The following DYNC2H1 variants were observed in gnomAD, a reference collection of about 807,000 sequenced individuals.
DYNC2H1 encodes dynein cytoplasmic 2 heavy chain 1.
Under a neutral mutation model 570.0 loss-of-function variants are expected in DYNC2H1, and 410 were observed. That is an observed-to-expected ratio of 0.72 (90% confidence interval 0.66 to 0.78). The LOEUF is 0.78. DYNC2H1 is among the 30% of genes least tolerant of loss of function. DYNC2H1 has a pLI of 0.00. For missense variants in DYNC2H1, 4,865 were observed against 5,046.4 expected, an observed-to-expected ratio of 0.96 and a Z score of 1.09; for synonymous variants, 1,688 against 1,677.6, an observed-to-expected ratio of 1.01 and a Z score of -0.15.
At chr11:103,183,251 A>C (rs1446183677) in intron 40 of DYNC2H1, among the ~76,000 whole-genome samples, 3 of 151,920 alleles carry the variant, frequency 2.0e-5, no homozygotes, top group African/African-American at 7.2e-5. Flanking sequence ...CATTAGTACA[A>C]AACATTCAGA....
chr11:103,431,229 A>C (rs1943879979), intron 84 of DYNC2H1, among the ~76,000 whole-genome samples: 1 of 151,730 alleles, frequency 6.6e-6, no homozygotes, highest in East Asian at 1.9e-4. Flanking sequence ...AAAAAAAAAA[A>C]AAAACTAAAA....
intron 62 of DYNC2H1, among the ~76,000 whole-genome samples, chr11:103,236,118 A>G (rs1864208500): frequency 6.6e-6 from 1 of 151,952 alleles, no homozygotes; most frequent in Non-Finnish European, 1.5e-5. Flanking sequence ...TTATTTTTAT[A>G]ATAATTTTAT....
intron 17 of DYNC2H1, 62 bp downstream of exon 17, chr11:103,136,010 C>A: frequency 7.5e-7 from 1 of 1,336,782 alleles, no homozygotes; most frequent in Non-Finnish European, 1.0e-6. Context: ...ATTGAATTTA[C>A]ATTAAATGTA....
At position 103,277,495 on chromosome 11, in the gene DYNC2H1, T is replaced by TTAA; in HGVS notation, c.10696-2853_10696-2852insTAA. On this transcript the variant is annotated intron_variant, in intron 70 of 88. Coordinates refer to ENST00000375735, the MANE Select transcript of DYNC2H1 (RefSeq NM_001377.3). This position sits in a 1 kb window ranked among gnomAD's most constrained non-coding sequence, Gnocchi z 4.3. ...ACATTCTTGAGTATTTAATGATACT[T>TTAA]GTATTAGAGTCTCTTTCAGATTGTT... Among the ~76,000 whole-genome samples the TTAA allele has an allele frequency of 6.6e-6, 1 of 152,304 alleles. No individual in the cohort carries two copies. Among genetic ancestry groups the TTAA allele is most frequent in the South Asian group, 2.1e-4 (1 of 4,828 alleles).
rs548499823 is a variant in DYNC2H1, at chr11:103,247,905, AG to A, written c.10042+2534del. On this transcript the variant is annotated intron_variant, in intron 65 of 88. Transcript: ENST00000375735. ...GATATCTGTAATTTGGTGTACCTGAAGGGTATAGGGACCGAAGACAAGGATT... is the reference window on the plus strand; with the variant it reads ...GATATCTGTAATTTGGTGTACCTGAAGGTATAGGGACCGAAGACAAGGATT... Among the ~76,000 whole-genome samples the A allele has an allele frequency of 3.9e-4, 60 of 152,104 alleles. 1 individual carries two copies. Among genetic ancestry groups the A allele is most frequent in the African/African-American group, 1.4e-3 (60 of 41,538 alleles).
At chr11:103,412,956 T>G (rs1001111199) in intron 84 of DYNC2H1, among the ~76,000 whole-genome samples, 5 of 152,154 alleles carry the variant, frequency 3.3e-5, no homozygotes, top group Non-Finnish European at 7.4e-5. Flanking sequence ...CAGACCAATA[T>G]CATTAGCATC....
chr11:103,442,989 T>G (rs1944317162), intron 85 of DYNC2H1, among the ~76,000 whole-genome samples: 1 of 151,126 alleles, frequency 6.6e-6, no homozygotes, highest in Admixed American at 6.6e-5. Context: ...TTTTGCCATT[T>G]AAAGGCTTCT....
intron 82 of DYNC2H1, among the ~76,000 whole-genome samples, chr11:103,337,617 A>G (rs892011884): frequency 4.6e-5 from 7 of 151,940 alleles, no homozygotes; most frequent in African/African-American, 1.7e-4. Context: ...TTTGATTTCT[A>G]TTTCTCTGAT....
chr11:103,351,421 T>C (rs1197398247), intron 82 of DYNC2H1, among the ~76,000 whole-genome samples: 1 of 152,176 alleles, frequency 6.6e-6, no homozygotes, highest in African/African-American at 2.4e-5. Flanking sequence ...TCTCTTGATA[T>C]GGGAGGAGAA....
At chr11:103,365,187 C>A (rs1226225603) in intron 83 of DYNC2H1, among the ~76,000 whole-genome samples, 3 of 151,910 alleles carry the variant, frequency 2.0e-5, no homozygotes, top group African/African-American at 7.3e-5. Flanking sequence ...CATGGAGAAA[C>A]CCTGTCTCTA....
chr11:103,246,609 T>C (rs1864627808), intron 65 of DYNC2H1, among the ~76,000 whole-genome samples: 1 of 152,056 alleles, frequency 6.6e-6, no homozygotes, highest in Admixed American at 6.6e-5. Context: ...ATTGCCCCTA[T>C]CTTACTTTTT....
At chr11:103,276,886 A>G (rs1865929074) in intron 70 of DYNC2H1, among the ~76,000 whole-genome samples, 1 of 152,106 alleles carries the variant, frequency 6.6e-6, no homozygotes, top group Non-Finnish European at 1.5e-5. Flanking sequence ...ATATAAGGAC[A>G]TGTAGAGTGT....
At chr11:103,278,866 C>T (rs1336544747) in intron 70 of DYNC2H1, among the ~76,000 whole-genome samples, 1 of 152,154 alleles carries the variant, frequency 6.6e-6, no homozygotes, top group African/African-American at 2.4e-5. Flanking sequence ...CATGCCTGGC[C>T]CTGTGTGGGT....
In DYNC2H1 at chr11:103,209,455, TTTTA is replaced by T. The variant is rs1160270590; in HGVS notation, c.8455-416_8455-413del. On this transcript the variant is annotated intron_variant, in intron 52 of 88. Transcript: ENST00000375735. The surrounding 1 kb of genome is among the most constrained non-coding windows in gnomAD (Gnocchi z 4.2). The stretch of plus-strand genomic sequence containing the variant: ...ATGAAATTATTGATTATAAAATTAT[TTTTA>T]TTTAATTTTAGTTTTTTTTTGAAAA... 6.6e-6 allele frequency among the ~76,000 whole-genome samples: 1 copy of T among 151,988 alleles called. No individual in the cohort carries two copies. The highest frequency in any genetic ancestry group is 2.4e-5 in the African/African-American group (1 of 41,460).
At chr11:103,198,115 A>T in intron 48 of DYNC2H1, 52 bp downstream of exon 48, 1 of 1,507,580 alleles carries the variant, frequency 6.6e-7, no homozygotes, top group Non-Finnish European at 9.0e-7. Flanking sequence ...ATAGTCTTTT[A>T]AAAATATTTA....
intron 72 of DYNC2H1, 80 bp downstream of exon 72, chr11:103,282,309 A>C: frequency 7.9e-7 from 1 of 1,262,070 alleles, no homozygotes; most frequent in South Asian, 1.4e-5. Context: ...AATTTGCTTC[A>C]GAGGTGTTCT....
intron 82 of DYNC2H1, among the ~76,000 whole-genome samples, chr11:103,332,875 C>T (rs905262018): frequency 2.6e-5 from 4 of 151,920 alleles, no homozygotes; most frequent in African/African-American, 4.8e-5. Flanking sequence ...TGGTGGCACA[C>T]GCCTGTAATC....
intron 84 of DYNC2H1, 103 bp from the exon 85 acceptor site, chr11:103,435,840 A>G: frequency 1.1e-6 from 1 of 919,380 alleles, no homozygotes; most frequent in Admixed American, 2.0e-5. Flanking sequence ...TCATATGTAT[A>G]TGTGAATTAT....
At chr11:103,406,302 T>C (rs1481849697) in intron 84 of DYNC2H1, 1 of 152,026 alleles carries the variant, frequency 6.6e-6, no homozygotes, top group Non-Finnish European at 1.5e-5. Flanking sequence ...TTTTGTGCTT[T>C]CGAATTGTCA....
Sources: allele counts gnomAD v4.1 joint callset (sites outside exome capture counted in the v4.1 genomes callset), GRCh38; gene constraint gnomAD v4.1.1; non-coding constraint Gnocchi (gnomAD v3.1); transcripts MANE v1.5; gene names NCBI Gene and HGNC (gene_info 2026-07-23, HGNC 2026-07-21).